Variants in GPR39 observed in about 807,000 individuals in gnomAD.
GPR39 encodes zinc sensing receptor.
In GPR39, 23 loss-of-function variants were observed where a neutral mutation model predicts 18.4. The observed-to-expected ratio is 1.25, with a 90% confidence interval of 0.90 to 1.77. The LOEUF is 1.77. Ranked by LOEUF, GPR39 falls within the 40% of genes most tolerant of loss-of-function variation. The probability of loss-of-function intolerance (pLI) is 0.00; values close to 1 mark genes in which losing one functional copy is unlikely to be tolerated. For synonymous variants in GPR39, 280 were observed against 257.9 expected (o/e 1.09, Z -0.82); for missense variants, 647 against 602.4 (o/e 1.07, Z -0.78).
intron 1 of GPR39, among the ~76,000 whole-genome samples, chr2:132,538,195 T>C (rs551105289): frequency 6.6e-6 from 1 of 152,328 alleles, no homozygotes; most frequent in Admixed American, 6.5e-5. Context: ...ATCTACCTTT[T>C]ATCTTTGAGG....
At chr2:132,456,973 C>T (rs892556449) in intron 1 of GPR39, among the ~76,000 whole-genome samples, 9 of 152,218 alleles carry the variant, frequency 5.9e-5, no homozygotes, top group Middle Eastern at 3.4e-3. Flanking sequence ...TGGCTCTCCT[C>T]GAGGAGTATC....
At chr2:132,553,529 G>T (rs1424924533) in intron 1 of GPR39, among the ~76,000 whole-genome samples, 1 of 151,980 alleles carries the variant, frequency 6.6e-6, no homozygotes, top group Non-Finnish European at 1.5e-5. Flanking sequence ...GGGAGAGAAT[G>T]GGGAGTGACA....
At chr2:132,458,015 C>T (rs1020099923) in intron 1 of GPR39, among the ~76,000 whole-genome samples, 1 of 152,200 alleles carries the variant, frequency 6.6e-6, no homozygotes, top group Non-Finnish European at 1.5e-5. Context: ...TGGAAGTGTC[C>T]TGTTTTTCCA....
At chr2:132,509,884 T>G (rs555858528) in intron 1 of GPR39, among the ~76,000 whole-genome samples, 1 of 152,202 alleles carries the variant, frequency 6.6e-6, no homozygotes, top group South Asian at 2.1e-4. Context: ...CCTAGATGGA[T>G]AATTCATGGG....
rs1682000527 is a variant in GPR39 at position 132,645,339 on chromosome 2, GC to G, written c.1096del (p.Gln366SerfsTer45). On this transcript the variant is annotated frameshift_variant, in exon 2 of 2. Coordinates refer to ENST00000329321, the MANE Select transcript of GPR39 (RefSeq NM_001508.3). LOFTEE classifies it low-confidence loss of function (END_TRUNC). ...AGGTGCTGTGCTGCCGCCTGTCGCT[GC>G]AGCACGCCAACCACGAGAAGCGCCT... ...VQVLCCRLSL[Q>X]HANHEKRLRV... 1 of 1,614,148 alleles carries G rather than the reference GC, an allele frequency of 6.2e-7. No individual in the cohort carries two copies. Among genetic ancestry groups the G allele is most frequent in the Non-Finnish European group, 8.5e-7 (1 of 1,180,044 alleles).
intron 1 of GPR39, among the ~76,000 whole-genome samples, chr2:132,634,962 A>G (rs1318113793): frequency 6.6e-6 from 1 of 152,230 alleles, no homozygotes; most frequent in Non-Finnish European, 1.5e-5. Flanking sequence ...AGGGGGCTTC[A>G]GGTTAAAGCC....
At chr2:132,517,944 T>C (rs773212728) in intron 1 of GPR39, among the ~76,000 whole-genome samples, 5 of 152,198 alleles carry the variant, frequency 3.3e-5, no homozygotes, top group Admixed American at 6.5e-5. Context: ...GACATTCCCA[T>C]AGGGGCTTTT....
At chr2:132,516,265 T>A (rs943409379) in intron 1 of GPR39, among the ~76,000 whole-genome samples, 4 of 152,210 alleles carry the variant, frequency 2.6e-5, no homozygotes, top group African/African-American at 9.6e-5. Context: ...GCATGTTCTC[T>A]GGCTAATTCA....
chr2:132,572,396 C>T (rs143763005), intron 1 of GPR39, among the ~76,000 whole-genome samples: 2 of 152,232 alleles, frequency 1.3e-5, no homozygotes, highest in East Asian at 3.9e-4. Context: ...CAGAGCATCC[C>T]CACGAGCTTG....
In GPR39 at chr2:132,493,977, A is replaced by G. The variant is rs116403563; in HGVS notation, c.856+76079A>G. Among the ~76,000 whole-genome samples the G allele has an allele frequency of 9.2e-3, 1,405 of 152,282 alleles. 23 individuals are homozygous for G. Among genetic ancestry groups the G allele is most frequent in the African/African-American group, 0.032 (1,341 of 41,538 alleles). ...TTCCGATCAACTAAAGACTGAAAGTATTTCCAGTGGTGATATGGCTTCATT... is the reference window on the plus strand; with the variant it reads ...TTCCGATCAACTAAAGACTGAAAGTGTTTCCAGTGGTGATATGGCTTCATT... On this transcript the variant is annotated intron_variant, in intron 1 of 1. Transcript: ENST00000329321.
chr2:132,453,553 C>G (rs1392775295), intron 1 of GPR39, among the ~76,000 whole-genome samples: 1 of 152,170 alleles, frequency 6.6e-6, no homozygotes, highest in African/African-American at 2.4e-5. Flanking sequence ...GAGGTCCTTG[C>G]CCATGCCTAT....
intron 1 of GPR39, among the ~76,000 whole-genome samples, chr2:132,509,812 A>G (rs1371863881): frequency 6.6e-6 from 1 of 152,144 alleles, no homozygotes; most frequent in East Asian, 1.9e-4. Flanking sequence ...TGGCTCCAAT[A>G]GGTCATCCCA....
At position 132,573,300 on chromosome 2, in the gene GPR39, G is replaced by C. The variant is rs72983669; in HGVS notation, c.857-71801G>C. ...TATTTTTCCCTCTGTGGCAATAGCT[G>C]ACCAAGGAAGCTTTGGAGATCCCCC... On this transcript the variant is annotated intron_variant, in intron 1 of 1. Transcript: ENST00000329321. Among the ~76,000 whole-genome samples the C allele has an allele frequency of 6.6e-3, 1,003 of 152,270 alleles. 10 individuals carry two copies. The highest frequency in any genetic ancestry group is 0.023 in the African/African-American group (944 of 41,538).
intron 1 of GPR39, among the ~76,000 whole-genome samples, chr2:132,555,233 A>AGGCACCAT (rs112285339): frequency 6.6e-6 from 1 of 151,400 alleles, no homozygotes; most frequent in African/African-American, 2.4e-5. Context: ...TACAGGTGTG[A>AGGCACCAT]GCCTGGCCTC....
intron 1 of GPR39, among the ~76,000 whole-genome samples, chr2:132,636,802 C>G (rs1394010891): frequency 6.6e-6 from 1 of 152,214 alleles, no homozygotes; most frequent in Non-Finnish European, 1.5e-5. Context: ...TGGCTAGAGC[C>G]CGTGTGGTAT....
At chr2:132,466,623 G>A (rs1002965342) in intron 1 of GPR39, among the ~76,000 whole-genome samples, 4 of 152,158 alleles carry the variant, frequency 2.6e-5, no homozygotes, top group Non-Finnish European at 5.9e-5. Context: ...AACAGGCCTG[G>A]ACCCTTTTGA....
chr2:132,446,552 T>G (rs1680541450), intron 1 of GPR39, among the ~76,000 whole-genome samples: 1 of 152,204 alleles, frequency 6.6e-6, no homozygotes, highest in Non-Finnish European at 1.5e-5. Flanking sequence ...ATTGACAGCT[T>G]GGTGACGCTA....
At chr2:132,433,933 T>C (rs944000856) in intron 1 of GPR39, 4 of 151,694 alleles carry the variant, frequency 2.6e-5, no homozygotes, top group African/African-American at 4.8e-5. Flanking sequence ...TAAAGCACAA[T>C]GAAGGTGAAG....
At chr2:132,504,733 A>C (rs1401288288) in intron 1 of GPR39, among the ~76,000 whole-genome samples, 3 of 152,186 alleles carry the variant, frequency 2.0e-5, no homozygotes, top group African/African-American at 7.2e-5. Flanking sequence ...AGAATTAATA[A>C]CCATCTGGTG....
Sources: allele counts gnomAD v4.1 joint callset (sites outside exome capture counted in the v4.1 genomes callset), GRCh38; gene constraint gnomAD v4.1.1; transcripts MANE v1.5; gene names NCBI Gene and HGNC (gene_info 2026-07-23, HGNC 2026-07-21).